Variants in EPM2A observed in about 807,000 individuals in gnomAD.
The protein encoded by EPM2A is laforin.
In EPM2A, 21 loss-of-function variants were observed where a neutral mutation model predicts 26.5. The ratio of observed to expected loss-of-function variants is 0.79; its 90% CI spans 0.56 to 1.14. EPM2A has a LOEUF of 1.14. Ranked by LOEUF, EPM2A falls within the 50% of genes most tolerant of loss-of-function variation. The pLI is 0.00. For synonymous variants in EPM2A, 217 were observed against 177.6 expected (o/e 1.22, Z -1.76); for missense variants, 458 against 440.8 (o/e 1.04, Z -0.35).
chr6:145,626,848 A>G lies in EPM2A; in HGVS notation c.*568T>C. 1.0e-6 allele frequency: 1 copy of G among 988,598 alleles called. No individual in the cohort carries two copies. The highest frequency in any genetic ancestry group is 1.2e-6 in the Non-Finnish European group (1 of 831,878). The allele number at this position is 988,598 out of a possible 1,614,324, so 61.2% of individuals were successfully genotyped here. ...GGTTGTTGGGTAGAGAAGGAAGGTG[A>G]TGCCTTGGAACAGACTTTAACAACT... On this transcript the variant is annotated 3_prime_UTR_variant, in exon 4 of 4. Transcript: ENST00000367519.
chr6:145,560,754 A>T (rs1164573948), intron 2 of EPM2A, among the ~76,000 whole-genome samples: 3 of 152,090 alleles, frequency 2.0e-5, no homozygotes, highest in Non-Finnish European at 4.4e-5. Flanking sequence ...GAATAAAGGG[A>T]TGTCAGGTAT....
chr6:145,438,277 T>G (rs115670807), intron 4 of EPM2A, among the ~76,000 whole-genome samples: 1,576 of 152,130 alleles, frequency 0.01, 25 homozygotes, highest in African/African-American at 0.036. Context: ...AGAAGCAGGG[T>G]GCAGGGCTGA....
At chr6:145,389,152 C>A (rs1179264829) in intron 4 of EPM2A, among the ~76,000 whole-genome samples, 2 of 151,922 alleles carry the variant, frequency 1.3e-5, no homozygotes, top group South Asian at 2.1e-4. Flanking sequence ...AAAAATGCAA[C>A]CCCCTCTTCT....
At chr6:145,615,551 C>T (rs1182852111) in intron 2 of EPM2A, among the ~76,000 whole-genome samples, 1 of 151,906 alleles carries the variant, frequency 6.6e-6, no homozygotes, top group African/African-American at 2.4e-5. Context: ...GAGGAAGCAA[C>T]TTTGGATCTG....
chr6:145,690,463 T>C (rs1280497891), intron 1 of EPM2A, among the ~76,000 whole-genome samples: 4 of 145,198 alleles, frequency 2.8e-5, no homozygotes, highest in African/African-American at 1.0e-4. Context: ...TGAGCCGAGA[T>C]TGCGCCACTG....
At chr6:145,726,596 T>C (rs1351698167) in intron 1 of EPM2A, among the ~76,000 whole-genome samples, 2 of 152,138 alleles carry the variant, frequency 1.3e-5, no homozygotes, top group Admixed American at 6.6e-5. Context: ...TATAGATCCT[T>C]GATATGATGT....
At chr6:145,658,046 G>A (rs1442772278) in intron 2 of EPM2A, among the ~76,000 whole-genome samples, 1 of 152,036 alleles carries the variant, frequency 6.6e-6, no homozygotes, top group Non-Finnish European at 1.5e-5. Flanking sequence ...ACCTTTATGT[G>A]CACTCTATAT....
chr6:145,385,899 C>T (rs1333987789), intron 4 of EPM2A, among the ~76,000 whole-genome samples: 1 of 151,802 alleles, frequency 6.6e-6, no homozygotes, highest in African/African-American at 2.4e-5. Context: ...ATTCTCCTTC[C>T]AGTCCCCTTT....
At chr6:145,581,574 C>T (rs903806188) in intron 2 of EPM2A, among the ~76,000 whole-genome samples, 4 of 152,074 alleles carry the variant, frequency 2.6e-5, no homozygotes, top group African/African-American at 9.7e-5. Context: ...TTTGACAGGT[C>T]CTATGTCCAA....
chr6:145,483,813 C>T (rs745469427), intron 4 of EPM2A, among the ~76,000 whole-genome samples: 1 of 152,134 alleles, frequency 6.6e-6, no homozygotes, highest in East Asian at 1.9e-4. Context: ...CATGATCAAG[C>T]CTTTCATCTC....
chr6:145,605,504 T>G (rs1775226965), intron 2 of EPM2A, among the ~76,000 whole-genome samples: 1 of 152,162 alleles, frequency 6.6e-6, no homozygotes, highest in African/African-American at 2.4e-5. Flanking sequence ...TACACTGGAA[T>G]TCTTGATTCT....
chr6:145,387,782 T>C (rs1778282702), intron 4 of EPM2A, among the ~76,000 whole-genome samples: 1 of 151,882 alleles, frequency 6.6e-6, no homozygotes, highest in African/African-American at 2.4e-5. Context: ...CAGAGGAGGA[T>C]GAAATCACCG....
At chr6:145,392,359 A>G (rs548594658) in intron 4 of EPM2A, among the ~76,000 whole-genome samples, 3 of 152,250 alleles carry the variant, frequency 2.0e-5, no homozygotes, top group African/African-American at 7.2e-5. Context: ...ATATTTAAAA[A>G]CTTGAGAGCT....
At chr6:145,675,950 A>C (rs1780002462) in intron 2 of EPM2A, among the ~76,000 whole-genome samples, 1 of 152,214 alleles carries the variant, frequency 6.6e-6, no homozygotes. Context: ...CATCTACAGA[A>C]CTTTTCACCC....
At chr6:145,547,718 G>A (rs986015782) in intron 2 of EPM2A, among the ~76,000 whole-genome samples, 1 of 151,972 alleles carries the variant, frequency 6.6e-6, no homozygotes, top group Non-Finnish European at 1.5e-5. Flanking sequence ...GTTCTCTCTT[G>A]CTATTGAACA....
downstream of EPM2A, among the ~76,000 whole-genome samples, chr6:145,498,299 G>C (rs1779846663): frequency 6.6e-6 from 1 of 152,234 alleles, no homozygotes; most frequent in Non-Finnish European, 1.5e-5. Flanking sequence ...CACCATGGAA[G>C]TGGGGCCCTC....
intron 2 of EPM2A, among the ~76,000 whole-genome samples, chr6:145,527,108 GA>G (rs1780285663): frequency 6.6e-6 from 1 of 151,928 alleles, no homozygotes; most frequent in Non-Finnish European, 1.5e-5. Flanking sequence ...GAGATCTTCC[GA>G]ATATTGATTT....
intron 4 of EPM2A, among the ~76,000 whole-genome samples, chr6:145,476,395 GAAC>G (rs1020061348): frequency 2.0e-5 from 3 of 151,570 alleles, no homozygotes; most frequent in Admixed American, 6.6e-5. Flanking sequence ...AGAAAATCAA[GAAC>G]AACAACAACA....
intron 4 of EPM2A, among the ~76,000 whole-genome samples, chr6:145,449,875 T>C (rs1779173978): frequency 6.6e-6 from 1 of 152,130 alleles, no homozygotes; most frequent in Non-Finnish European, 1.5e-5. Flanking sequence ...TATTACAAAG[T>C]TATTTTAATG....
Sources: allele counts gnomAD v4.1 joint callset (sites outside exome capture counted in the v4.1 genomes callset), GRCh38; gene constraint gnomAD v4.1.1; transcripts MANE v1.5; gene names NCBI Gene and HGNC (gene_info 2026-07-23, HGNC 2026-07-21).